Variants in PRTFDC1 observed in about 807,000 individuals in gnomAD.
The protein encoded by PRTFDC1 is phosphoribosyl transferase domain containing 1, also known as phosphoribosyltransferase domain-containing protein 1.
Under a neutral mutation model 34.6 loss-of-function variants are expected in PRTFDC1, and 38 were observed. The ratio of observed to expected loss-of-function variants is 1.10; its 90% CI spans 0.85 to 1.44. The LOEUF (loss-of-function observed/expected upper bound fraction) is 1.44. PRTFDC1 is among the 40% of genes most tolerant of loss of function. The pLI, the probability that PRTFDC1 is intolerant of heterozygous loss-of-function variation, is 0.00. For synonymous variants in PRTFDC1, 93 were observed against 98.1 expected (o/e 0.95, Z 0.31); for missense variants, 270 against 283.0 (o/e 0.95, Z 0.33).
Position 24,923,271 on chromosome 10 carries a change from G to A in PRTFDC1, c.339+13913C>T, listed in dbSNP as rs141975331. Among the ~76,000 whole-genome samples, 842 of 152,330 alleles carry A rather than the reference G, an allele frequency of 5.5e-3. 4 individuals are homozygous for A. Among genetic ancestry groups the A allele is most frequent in the Non-Finnish European group, 9.1e-3 (621 of 68,034 alleles). ...AACTTCTGCAGACTTAAACATCCCC[G>A]TCTGATAGCTCTGAAGAGAGCAGTG... On this transcript the variant is annotated intron_variant, in intron 3 of 8. Transcript: ENST00000320152.
intron 1 of PRTFDC1, among the ~76,000 whole-genome samples, chr10:24,942,791 G>A (rs1450684940): frequency 6.6e-6 from 1 of 152,072 alleles, no homozygotes; most frequent in African/African-American, 2.4e-5. Flanking sequence ...GGGACTACAG[G>A]CATGTGCCAC....
chr10:24,897,678 C>T (rs1252201704), intron 3 of PRTFDC1, among the ~76,000 whole-genome samples: 1 of 152,134 alleles, frequency 6.6e-6, no homozygotes, highest in Admixed American at 6.5e-5. Flanking sequence ...AATGAGGTGG[C>T]CCTTTTGGCC....
intron 3 of PRTFDC1, among the ~76,000 whole-genome samples, chr10:24,910,335 A>C (rs538352321): frequency 6.6e-6 from 1 of 152,174 alleles, no homozygotes; most frequent in Non-Finnish European, 1.5e-5. Context: ...CCTAAGATTG[A>C]ATTCTCGTTT....
intron 3 of PRTFDC1, among the ~76,000 whole-genome samples, chr10:24,936,060 C>T (rs767350184): frequency 5.3e-5 from 8 of 152,160 alleles, no homozygotes; most frequent in African/African-American, 9.7e-5. Context: ...TAAGCCACTA[C>T]GTTTGTGGTG....
intron 3 of PRTFDC1, among the ~76,000 whole-genome samples, chr10:24,884,018 AGACAG>A (rs1392086927): frequency 1.3e-5 from 2 of 151,728 alleles, no homozygotes; most frequent in Non-Finnish European, 1.5e-5. Context: ...ATTTTAGTAG[AGACAG>A]GGTTTGCCAT....
intron 3 of PRTFDC1, among the ~76,000 whole-genome samples, chr10:24,881,797 T>C (rs1337805268): frequency 6.6e-6 from 1 of 152,146 alleles, no homozygotes; most frequent in Non-Finnish European, 1.5e-5. Flanking sequence ...CGTTTTGCAC[T>C]GAGGGCCCTG....
rs750751086 is a variant in PRTFDC1, at chr10:24,952,496, G to T, written c.48+32C>A. 8.3e-6 allele frequency: 13 copies of T among 1,565,874 alleles called. No individual in the cohort carries two copies. The East Asian group carries it at 1.2e-4, about 14-fold the overall frequency. ...GGGTGCCAGGGAGGGAGGGGAGCGG[G>T]CCGAGCCCCAAAATAGGGAGTTTGC... On this transcript the variant is annotated intron_variant, in intron 1 of 8. Coordinates refer to ENST00000320152, the MANE Select transcript of PRTFDC1 (RefSeq NM_020200.7). The surrounding 1 kb of genome is among the most constrained non-coding windows in gnomAD (Gnocchi z 5.1).
chr10:24,856,820 A>T, intron 6 of PRTFDC1, 93 bp downstream of exon 6: 1 of 1,187,870 alleles, frequency 8.4e-7, no homozygotes, highest in African/African-American at 1.5e-5. Context: ...TTTGGAATAT[A>T]TTACACTCTT....
At chr10:24,950,413 T>C (rs1232407160) in intron 1 of PRTFDC1, among the ~76,000 whole-genome samples, 1 of 152,174 alleles carries the variant, frequency 6.6e-6, no homozygotes, top group African/African-American at 2.4e-5. Context: ...CAGCATCATG[T>C]TGGTGCTCAG....
intron 3 of PRTFDC1, among the ~76,000 whole-genome samples, chr10:24,903,177 G>T (rs1216967348): frequency 6.6e-6 from 1 of 152,194 alleles, no homozygotes; most frequent in African/African-American, 2.4e-5. Context: ...GAGCGCTCCA[G>T]CCTGGGTGAC....
chr10:24,888,918 C>T (rs918196984), intron 3 of PRTFDC1, among the ~76,000 whole-genome samples: 1 of 152,124 alleles, frequency 6.6e-6, no homozygotes, highest in Non-Finnish European at 1.5e-5. Context: ...TAACCAGTTA[C>T]TTTCTGGGAA....
At chr10:24,910,333 T>C (rs1476721202) in intron 3 of PRTFDC1, among the ~76,000 whole-genome samples, 1 of 152,194 alleles carries the variant, frequency 6.6e-6, no homozygotes, top group African/African-American at 2.4e-5. Flanking sequence ...AACCTAAGAT[T>C]GAATTCTCGT....
chr10:24,861,920 T>C (rs1375203248), intron 4 of PRTFDC1, among the ~76,000 whole-genome samples: 4 of 152,032 alleles, frequency 2.6e-5, no homozygotes, highest in South Asian at 4.1e-4. Flanking sequence ...ATTACAGGCA[T>C]GAGCCACTGC....
intron 3 of PRTFDC1, among the ~76,000 whole-genome samples, chr10:24,899,948 G>A (rs569573716): frequency 6.6e-6 from 1 of 152,292 alleles, no homozygotes; most frequent in African/African-American, 2.4e-5. Context: ...TAGGGCATTG[G>A]TGGAAAATGG....
chr10:24,859,355 G>A (rs535922350), intron 4 of PRTFDC1, among the ~76,000 whole-genome samples: 2 of 152,264 alleles, frequency 1.3e-5, no homozygotes, highest in South Asian at 2.1e-4. Flanking sequence ...CGCTTCCCGG[G>A]TTCAATCGAT....
At chr10:24,904,101 T>C (rs887307852) in intron 3 of PRTFDC1, among the ~76,000 whole-genome samples, 1 of 152,128 alleles carries the variant, frequency 6.6e-6, no homozygotes, top group African/African-American at 2.4e-5. Context: ...AAAATTTTAG[T>C]CTTTCTTTGG....
At chr10:24,926,463 C>T (rs1228719035) in intron 3 of PRTFDC1, among the ~76,000 whole-genome samples, 1 of 152,134 alleles carries the variant, frequency 6.6e-6, no homozygotes, top group East Asian at 1.9e-4. Context: ...CTGCAACCTT[C>T]CCAGCCTCCT....
chr10:24,894,609 C>T (rs765171163), intron 3 of PRTFDC1, among the ~76,000 whole-genome samples: 16 of 152,164 alleles, frequency 1.1e-4, no homozygotes, highest in Non-Finnish European at 7.3e-5. Context: ...GTGGATGAGG[C>T]AAAGTGGCTC....
chr10:24,922,564 G>A (rs1178185384), intron 3 of PRTFDC1, among the ~76,000 whole-genome samples: 1 of 152,146 alleles, frequency 6.6e-6, no homozygotes, highest in African/African-American at 2.4e-5. Flanking sequence ...ATGCCCTCTT[G>A]CCTGCCACCA....
Sources: allele counts gnomAD v4.1 joint callset (sites outside exome capture counted in the v4.1 genomes callset), GRCh38; gene constraint gnomAD v4.1.1; non-coding constraint Gnocchi (gnomAD v3.1); transcripts MANE v1.5; gene names NCBI Gene and HGNC (gene_info 2026-07-23, HGNC 2026-07-21).